Variants in RALYL observed in about 807,000 individuals in gnomAD.
RALYL encodes the protein RALY RNA binding protein like.
RALYL carries 29 observed loss-of-function variants against 35.1 expected under a neutral mutation model. That is an observed-to-expected ratio of 0.83 (90% CI 0.61 to 1.13). The LOEUF (loss-of-function observed/expected upper bound fraction) is 1.13, where lower values mean the gene tolerates loss of function less well. Ranked by LOEUF, RALYL falls within the 50% of genes most tolerant of loss-of-function variation. The pLI, the probability that RALYL is intolerant of heterozygous loss-of-function variation, is 0.00. For synonymous variants in RALYL, 120 were observed against 127.6 expected (o/e 0.94, Z 0.40); for missense variants, 359 against 360.4 (o/e 1.00, Z 0.03).
chr8:84,438,922 A>G (rs1306290787), intron 1 of RALYL, among the ~76,000 whole-genome samples: 3 of 148,606 alleles, frequency 2.0e-5, no homozygotes. Flanking sequence ...TGGGTTCCCT[A>G]TTATGTTCCC....
chr8:84,229,535 A>G (rs1428003366), intron 1 of RALYL, among the ~76,000 whole-genome samples: 1 of 152,234 alleles, frequency 6.6e-6, no homozygotes, highest in Non-Finnish European at 1.5e-5. Context: ...GTCCTGAGAC[A>G]GTAACTTCAA....
At chr8:84,860,194 T>A (rs1450434664) in intron 5 of RALYL, among the ~76,000 whole-genome samples, 1 of 152,210 alleles carries the variant, frequency 6.6e-6, no homozygotes, top group Non-Finnish European at 1.5e-5. Context: ...GAACTTTACT[T>A]GGCCTGTATT....
rs560355103 is a variant in RALYL at position 84,243,260 on chromosome 8, C to A, written c.-24+58836C>A. Among the ~76,000 whole-genome samples the A allele has an allele frequency of 3.9e-5, 6 of 152,112 alleles. No homozygotes were observed. The South Asian group carries it at 1.0e-3, about 26-fold the overall frequency. On this transcript the variant is annotated intron_variant, in intron 1 of 8. Transcript: ENST00000521268. ...AAGTTGGGTAGCATGATGCCTCCAG[C>A]GTGTTTTTGTTGTTGTTGTTGTTGT...
At chr8:84,250,481 T>G (rs1829972137) in intron 1 of RALYL, among the ~76,000 whole-genome samples, 1 of 152,070 alleles carries the variant, frequency 6.6e-6, no homozygotes, top group Admixed American at 6.6e-5. Flanking sequence ...TTCTTCTGCC[T>G]CAGCCTCCTG....
chr8:84,465,041 G>A (rs1456809550), intron 1 of RALYL, among the ~76,000 whole-genome samples: 5 of 108,822 alleles, frequency 4.6e-5, no homozygotes, highest in African/African-American at 1.7e-4. Flanking sequence ...CTGGATATTA[G>A]CCCTTTGTCA....
intron 1 of RALYL, among the ~76,000 whole-genome samples, chr8:84,255,249 A>C (rs1830998551): frequency 1.3e-5 from 2 of 152,194 alleles, no homozygotes; most frequent in East Asian, 1.9e-4. Context: ...CTGCCTTTAC[A>C]GAACTTTCTT....
intron 8 of RALYL, among the ~76,000 whole-genome samples, chr8:84,897,149 T>C (rs1297814135): frequency 2.6e-5 from 4 of 152,164 alleles, no homozygotes; most frequent in African/African-American, 7.2e-5. Context: ...CATGGGGCTT[T>C]TGTAACGATT....
intron 4 of RALYL, among the ~76,000 whole-genome samples, chr8:84,832,644 T>C (rs1563701543): frequency 6.6e-6 from 1 of 152,096 alleles, no homozygotes; most frequent in Non-Finnish European, 1.5e-5. Context: ...AATCTGTAGG[T>C]GGATATCTAA....
intron 1 of RALYL, among the ~76,000 whole-genome samples, chr8:84,462,594 T>C (rs2050932853): frequency 7.2e-6 from 1 of 138,470 alleles, no homozygotes; most frequent in Non-Finnish European, 1.5e-5. Context: ...AGTATGTATC[T>C]AGATTCATTT....
intron 2 of RALYL, among the ~76,000 whole-genome samples, chr8:84,542,372 A>G (rs1051908154): frequency 4.6e-5 from 7 of 152,160 alleles, no homozygotes; most frequent in African/African-American, 1.7e-4. Flanking sequence ...ATATGTAAAT[A>G]CATACATTAT....
intron 1 of RALYL, among the ~76,000 whole-genome samples, chr8:84,270,725 G>A (rs535207340): frequency 6.6e-6 from 1 of 152,200 alleles, no homozygotes; most frequent in South Asian, 2.1e-4. Flanking sequence ...TATTAAAAAT[G>A]AGGAAGTGAA....
chr8:84,854,349 A>AAAGAAAAAGAAAAAGG (rs998590604), intron 5 of RALYL, among the ~76,000 whole-genome samples: 1 of 137,042 alleles, frequency 7.3e-6, no homozygotes, highest in Non-Finnish European at 1.6e-5. Context: ...CGTCTAAAAA[A>AAAGAAAAAGAAAAAGG]AAGAAAAAGA....
At chr8:84,423,242 G>A (rs898421952) in intron 1 of RALYL, among the ~76,000 whole-genome samples, 1 of 151,658 alleles carries the variant, frequency 6.6e-6, no homozygotes, top group African/African-American at 2.4e-5. Context: ...CCTGCATTGG[G>A]TGCATATATA....
rs540480433 is a variant in RALYL at position 84,217,886 on chromosome 8, A to G, written c.-24+33462A>G. Among the ~76,000 whole-genome samples, 147 of 152,218 alleles carry G rather than the reference A, an allele frequency of 9.7e-4. 1 individual carries two copies. Among genetic ancestry groups the G allele is most frequent in the African/African-American group, 3.4e-3 (142 of 41,564 alleles). ...CCCAATAGTTTTAAGTATTGTTTTA[A>G]GATGTTTTCTTTTTTAAAAACATAC... On this transcript the variant is annotated intron_variant, in intron 1 of 8. Coordinates refer to ENST00000521268, the MANE Select transcript of RALYL (RefSeq NM_173848.7).
At chr8:84,706,563 A>G (rs1048857149) in intron 2 of RALYL, among the ~76,000 whole-genome samples, 112 of 152,262 alleles carry the variant, frequency 7.4e-4, no homozygotes, top group African/African-American at 2.6e-3. Flanking sequence ...TTCATTGCCA[A>G]ACTTCTTGGT....
At chr8:84,356,963 T>G (rs558985146) in intron 1 of RALYL, among the ~76,000 whole-genome samples, 1 of 152,216 alleles carries the variant, frequency 6.6e-6, no homozygotes, top group South Asian at 2.1e-4. Context: ...TGATGCAGAC[T>G]GATATATTTT....
intron 1 of RALYL, among the ~76,000 whole-genome samples, chr8:84,428,106 T>TCTCTCA (rs1182382963): frequency 5.5e-5 from 7 of 127,276 alleles, no homozygotes; most frequent in African/African-American, 1.5e-4. Context: ...TCTCTCTCTC[T>TCTCTCA]CACACACACA....
intron 2 of RALYL, among the ~76,000 whole-genome samples, chr8:84,654,284 T>TC: frequency 1.1e-5 from 1 of 95,142 alleles, no homozygotes; most frequent in East Asian, 2.6e-4. Context: ...TATATATATA[T>TC]ATATATATAT....
chr8:84,711,379 A>T lies in RALYL; in HGVS notation c.257-63200A>T, dbSNP rs554435292. Reference sequence around the variant, plus strand: ...AATGACAAGTTTTAAAAGTATTTTTAAAATAATCACTCTCCATACATGGCA... The same window carrying T: ...AATGACAAGTTTTAAAAGTATTTTTTAAATAATCACTCTCCATACATGGCA... On this transcript the variant is annotated intron_variant, in intron 2 of 8. Transcript: ENST00000521268. 4.6e-5 allele frequency among the ~76,000 whole-genome samples: 7 copies of T among 152,312 alleles called. No homozygotes were observed. In the East Asian group the frequency reaches 1.3e-3, roughly 29 times the overall value.
Sources: allele counts gnomAD v4.1 joint callset (sites outside exome capture counted in the v4.1 genomes callset), GRCh38; gene constraint gnomAD v4.1.1; transcripts MANE v1.5; gene names NCBI Gene and HGNC (gene_info 2026-07-23, HGNC 2026-07-21).